GATA4: variants seen among roughly 807,000 people sequenced by gnomAD.
GATA4 encodes transcription factor GATA-4.
GATA4 carries 7 observed loss-of-function variants against 37.9 expected under a neutral mutation model. That is an observed-to-expected ratio of 0.18 (90% CI 0.11 to 0.35). GATA4 has a LOEUF of 0.35. Among genes scored for constraint, GATA4 ranks in the 10% least tolerant of loss-of-function variants. The pLI is 1.00. For missense variants in GATA4, 647 were observed against 653.0 expected (o/e 0.99, Z 0.10); for synonymous variants, 372 against 292.6 (o/e 1.27, Z -2.77).
chr8:11,709,527 C>G lies in GATA4; in HGVS notation c.616+599C>G, dbSNP rs759357740. Among the ~76,000 whole-genome samples, 1 of 137,398 alleles carries G rather than the reference C, an allele frequency of 7.3e-6. No homozygotes were observed. The highest frequency in any genetic ancestry group is 1.5e-5 in the Non-Finnish European group (1 of 65,392). The allele number at this position is 137,398 out of a possible 152,430, so 90.1% of individuals were successfully genotyped here. A position where few individuals can be genotyped will look rare whatever the true frequency, so the allele number is the denominator to read the frequency against. On this transcript the variant is annotated intron_variant, in intron 2 of 6. Transcript: ENST00000532059. The surrounding 1 kb of genome is among the most constrained non-coding windows in gnomAD (Gnocchi z 4.3). ...GAGATGCGCGGAACAGGAGCCGGCA[C>G]TGTGCGGGTGCCACCCGGCCGAGCG... is the stretch of plus-strand genomic sequence containing the variant.
intron 1 of GATA4, chr8:11,681,350 A>G: frequency 1.0e-6 from 1 of 985,336 alleles, no homozygotes; most frequent in Admixed American, 6.1e-5. Flanking sequence ...TCAAATTTCC[A>G]GCACTCGTCC....
chr8:11,679,366 C>T (rs931953460), intron 1 of GATA4, among the ~76,000 whole-genome samples: 18 of 152,308 alleles, frequency 1.2e-4, no homozygotes, highest in African/African-American at 3.4e-4. Flanking sequence ...GGGGCTCGCG[C>T]CGCACGACTG....
At position 11,755,136 on chromosome 8, in the gene GATA4, G is replaced by A. The variant is rs1428657512; in HGVS notation, c.1000+3G>A. ...GAATAAATCTAAGACACCAGCAGGT[G>A]AGGAAAAGATCTGTGAGTGATTATA... On this transcript the variant is annotated splice_donor_region_variant and intron_variant, in intron 5 of 6. Coordinates refer to ENST00000532059, the MANE Select transcript of GATA4 (RefSeq NM_001308093.3). 4 of 1,608,902 alleles carry A rather than the reference G, an allele frequency of 2.5e-6. No homozygotes were observed. Among genetic ancestry groups the A allele is most frequent in the South Asian group, 2.2e-5 (2 of 90,922 alleles).
rs997522975 is a variant in GATA4, at chr8:11,749,964, C to T, written c.787-147C>T. 3.9e-6 allele frequency: 4 copies of T among 1,024,648 alleles called. No individual in the cohort carries two copies. The highest frequency in any genetic ancestry group is 5.9e-6 in the Non-Finnish European group (4 of 676,652). 63.5% of individuals were successfully genotyped at this position (1,024,648 alleles called of 1,614,324 possible). ...GCGCAGGTGACAGGAGAGTTAGGTGCCGTCACAGGTCAGAGATCTCATGCA... is the reference window on the plus strand; with the variant it reads ...GCGCAGGTGACAGGAGAGTTAGGTGTCGTCACAGGTCAGAGATCTCATGCA... On this transcript the variant is annotated intron_variant, in intron 3 of 6. Transcript: ENST00000532059. The surrounding 1 kb of genome is among the most constrained non-coding windows in gnomAD (Gnocchi z 4.6).
At chr8:11,703,346 G>C (rs1185716650), upstream of GATA4, among the ~76,000 whole-genome samples, 1 of 152,144 alleles carries the variant, frequency 6.6e-6, no homozygotes, top group East Asian at 1.9e-4. Flanking sequence ...CAGCCCCGCT[G>C]CGCTGGGGCC....
chr8:11,680,684 C>T (rs147648850), intron 1 of GATA4: 127 of 985,208 alleles, frequency 1.3e-4, no homozygotes, highest in South Asian at 5.2e-4. Context: ...AGAGACCCCC[C>T]CCTTGGGGAG....
intron 2 of GATA4, among the ~76,000 whole-genome samples, chr8:11,714,889 G>T (rs1800368734): frequency 6.6e-6 from 1 of 152,182 alleles, no homozygotes; most frequent in Non-Finnish European, 1.5e-5. Context: ...CCTTTATGGA[G>T]AGTCTTAGGT....
upstream of GATA4, chr8:11,692,180 C>A: frequency 2.9e-6 from 1 of 345,024 alleles, no homozygotes; most frequent in Non-Finnish European, 4.1e-6. Context: ...CCTACTTCCC[C>A]AAAGGCAAGA....
upstream of GATA4, among the ~76,000 whole-genome samples, chr8:11,703,789 A>G (rs993366628): frequency 1.3e-5 from 2 of 152,182 alleles, no homozygotes; most frequent in African/African-American, 4.8e-5. Context: ...ACCCCGGGTG[A>G]CCCAGTGCCC....
At position 11,750,248 on chromosome 8, in the gene GATA4, C is replaced by T; in HGVS notation, c.912+12C>T. On this transcript the variant is annotated intron_variant, in intron 4 of 6. Coordinates refer to ENST00000532059, the MANE Select transcript of GATA4 (RefSeq NM_001308093.3). ...TGAAGCTCCACGGGGTACGTGGGTC[C>T]TGCGCCCATGCGGCATCCTTGCCTT... The T allele has an allele frequency of 6.2e-7, 1 of 1,611,832 alleles. No homozygotes were observed. The highest frequency in any genetic ancestry group is 1.6e-4 in the Middle Eastern group (1 of 6,062).
upstream of GATA4, among the ~76,000 whole-genome samples, chr8:11,701,578 G>A (rs1207595397): frequency 6.6e-6 from 1 of 152,190 alleles, no homozygotes; most frequent in Non-Finnish European, 1.5e-5. Context: ...TTGGCCCAAG[G>A]GAGGGAGGGG....
At chr8:11,735,019 C>G (rs1801389570) in intron 2 of GATA4, among the ~76,000 whole-genome samples, 1 of 152,066 alleles carries the variant, frequency 6.6e-6, no homozygotes, top group Non-Finnish European at 1.5e-5. Flanking sequence ...TAAAGCAGAT[C>G]CACATGTATA....
At chr8:11,712,883 A>G (rs1800260409) in intron 2 of GATA4, among the ~76,000 whole-genome samples, 1 of 152,094 alleles carries the variant, frequency 6.6e-6, no homozygotes, top group South Asian at 2.1e-4. Flanking sequence ...AAGAAAAAGA[A>G]AGGATATACT....
At chr8:11,702,489 G>A (rs928450663), upstream of GATA4, among the ~76,000 whole-genome samples, 10 of 151,678 alleles carry the variant, frequency 6.6e-5, no homozygotes, top group African/African-American at 2.2e-4. The surrounding 1 kb of genome is among the most constrained non-coding windows in gnomAD (Gnocchi z 4.4). Flanking sequence ...GAAGATGATT[G>A]CCGGTTTCAA....
intron 1 of GATA4, chr8:11,680,539 A>G (rs1172007585): frequency 6.1e-6 from 6 of 985,184 alleles, no homozygotes; most frequent in Admixed American, 1.2e-4. Flanking sequence ...TGTCGCGCCG[A>G]CGTCCTTCGT....
intron 2 of GATA4, among the ~76,000 whole-genome samples, chr8:11,711,876 T>A (rs1208761409): frequency 6.6e-6 from 1 of 152,012 alleles, no homozygotes; most frequent in East Asian, 1.9e-4. Context: ...TAGCTGACCC[T>A]GAGTCATGGA....
intron 2 of GATA4, among the ~76,000 whole-genome samples, chr8:11,720,310 A>G (rs193245905): frequency 3.3e-5 from 5 of 152,174 alleles, no homozygotes; most frequent in East Asian, 3.9e-4. Flanking sequence ...CAGAGGCCAC[A>G]TTAACATTAA....
At chr8:11,748,581 T>A (rs758440518) in intron 2 of GATA4, among the ~76,000 whole-genome samples, 42 of 152,120 alleles carry the variant, frequency 2.8e-4, no homozygotes, top group Non-Finnish European at 5.6e-4. Context: ...GAGAGCAAGG[T>A]TTGCGTGGAC....
In GATA4 at chr8:11,728,991, G is replaced by A. The variant is rs140611981; in HGVS notation, c.617-19925G>A. Among the ~76,000 whole-genome samples the A allele has an allele frequency of 2.2e-3, 328 of 152,272 alleles. 4 individuals carry two copies. The highest frequency in any genetic ancestry group is 7.6e-3 in the African/African-American group (317 of 41,562). On this transcript the variant is annotated intron_variant, in intron 2 of 6. Coordinates refer to ENST00000532059, the MANE Select transcript of GATA4 (RefSeq NM_001308093.3). ...CTCACGCCTGTAATCCCAGTACTTC[G>A]GGAGGTCGAGGTGGGAGGATCACTT... is the stretch of plus-strand genomic sequence containing the variant.
Sources: allele counts gnomAD v4.1 joint callset (sites outside exome capture counted in the v4.1 genomes callset), GRCh38; gene constraint gnomAD v4.1.1; non-coding constraint Gnocchi (gnomAD v3.1); transcripts MANE v1.5; gene names NCBI Gene and HGNC (gene_info 2026-07-23, HGNC 2026-07-21).